Variants in PLCXD2 observed in about 807,000 individuals in gnomAD.
PLCXD2 encodes the protein PI-PLC X domain-containing protein 2.
PLCXD2 carries 21 observed loss-of-function variants against 28.6 expected under a neutral mutation model. That is an observed-to-expected ratio of 0.73 (90% CI 0.52 to 1.06). PLCXD2 has a LOEUF of 1.06. Ranked by LOEUF, PLCXD2 falls within the 50% of genes least tolerant of loss-of-function variation. The pLI is 0.00. For missense variants in PLCXD2, 369 were observed against 376.7 expected (o/e 0.98, Z 0.17); for synonymous variants, 140 against 150.1 (o/e 0.93, Z 0.49).
chr3:111,700,217 T>C (rs1324499294), intron 1 of PLCXD2, among the ~76,000 whole-genome samples: 1 of 152,210 alleles, frequency 6.6e-6, no homozygotes. Context: ...ATCACCACTT[T>C]ACATTATAAA....
At chr3:111,683,906 A>G (rs1157441716) in intron 1 of PLCXD2, among the ~76,000 whole-genome samples, 1 of 152,176 alleles carries the variant, frequency 6.6e-6, no homozygotes, top group African/African-American at 2.4e-5. Flanking sequence ...AGAGGGGGAA[A>G]TAAAATGAGT....
At chr3:111,680,465 A>G (rs1940696546) in intron 1 of PLCXD2, among the ~76,000 whole-genome samples, 1 of 152,138 alleles carries the variant, frequency 6.6e-6, no homozygotes, top group Admixed American at 6.5e-5. Context: ...CATGAAAAAA[A>G]AAAAATCATA....
chr3:111,683,938 T>C (rs947874726), intron 1 of PLCXD2, among the ~76,000 whole-genome samples: 1 of 152,092 alleles, frequency 6.6e-6, no homozygotes, highest in Admixed American at 6.5e-5. Context: ...AGAGAGGGAA[T>C]GGCCCATTTA....
rs776210060 is a variant in PLCXD2 at position 111,675,386 on chromosome 3, C to G, written c.141C>G (p.Pro47=). ...TCCCCCCTCACCTCCACAACCTCCC[C>G]CTTTCCAATCTGGCAATCCCAGGTA... is the stretch of plus-strand genomic sequence containing the variant. The change falls in exon 1 of 5, where the codon CCC becomes CCG. Residue 47 remains proline, a synonymous_variant. Coordinates refer to ENST00000477665, the MANE Select transcript of PLCXD2 (RefSeq NM_001185106.1). 6.2e-7 allele frequency: 1 copy of G among 1,614,190 alleles called. No individual in the cohort carries two copies. The highest frequency in any genetic ancestry group is 2.2e-5 in the East Asian group (1 of 44,874).
chr3:111,718,179 T>C (rs1053075930), intron 3 of PLCXD2, among the ~76,000 whole-genome samples: 2 of 152,034 alleles, frequency 1.3e-5, no homozygotes, highest in Non-Finnish European at 2.9e-5. Flanking sequence ...AATATAAAAA[T>C]ATAGGCCAGG....
chr3:111,685,656 T>C (rs78169735), intron 1 of PLCXD2, among the ~76,000 whole-genome samples: 4,653 of 152,282 alleles, frequency 0.031, 259 homozygotes, highest in African/African-American at 0.1. Context: ...TTAAAGCAAA[T>C]ATGGTTATCT....
intron 3 of PLCXD2, among the ~76,000 whole-genome samples, chr3:111,715,992 T>C (rs963449120): frequency 6.6e-6 from 1 of 152,208 alleles, no homozygotes; most frequent in Non-Finnish European, 1.5e-5. Flanking sequence ...GCTCTTTCCT[T>C]TATGATGAGA....
chr3:111,706,709 C>T (rs1388729315), intron 1 of PLCXD2, among the ~76,000 whole-genome samples: 1 of 148,770 alleles, frequency 6.7e-6, no homozygotes, highest in Non-Finnish European at 1.5e-5. Context: ...TGTAAAGGCA[C>T]ACGTAGACTG....
chr3:111,705,188 C>T (rs1941100059), intron 1 of PLCXD2, among the ~76,000 whole-genome samples: 1 of 152,144 alleles, frequency 6.6e-6, no homozygotes, highest in South Asian at 2.1e-4. Flanking sequence ...GTCTCTAATA[C>T]CCACAGTTCT....
intron 1 of PLCXD2, 94 bp downstream of exon 1, chr3:111,675,502 T>A (rs2107834328): frequency 6.8e-7 from 1 of 1,460,832 alleles, no homozygotes; most frequent in South Asian, 1.2e-5. Context: ...TGCTGAGAAA[T>A]TAATTGTCAG....
chr3:111,676,130 G>T (rs114731886), intron 1 of PLCXD2, among the ~76,000 whole-genome samples: 1,619 of 152,298 alleles, frequency 0.011, 34 homozygotes, highest in African/African-American at 0.037. Context: ...TTTGTTAAAT[G>T]TGTCCTCTTC....
chr3:111,709,484 GCACA>G (rs937307379), intron 2 of PLCXD2, among the ~76,000 whole-genome samples: 388 of 128,530 alleles, frequency 3.0e-3, no homozygotes, highest in African/African-American at 0.012. Flanking sequence ...ACACACACAC[GCACA>G]CACACACATA....
intron 2 of PLCXD2, among the ~76,000 whole-genome samples, chr3:111,708,700 G>A (rs547812707): frequency 3.9e-5 from 6 of 152,192 alleles, no homozygotes; most frequent in South Asian, 2.1e-4. Flanking sequence ...TCTGTTTCCC[G>A]AGGTCCATTT....
chr3:111,695,149 T>TA (rs1316352060), intron 1 of PLCXD2, among the ~76,000 whole-genome samples: 3 of 122,698 alleles, frequency 2.4e-5, no homozygotes, highest in African/African-American at 9.2e-5. Context: ...CTCATTTTTT[T>TA]ACCCATTTTC....
chr3:111,715,640 C>G (rs576834105), intron 3 of PLCXD2, among the ~76,000 whole-genome samples: 1 of 152,170 alleles, frequency 6.6e-6, no homozygotes, highest in African/African-American at 2.4e-5. Flanking sequence ...ATCAAGTCAG[C>G]CTCTAGGATG....
intron 3 of PLCXD2, among the ~76,000 whole-genome samples, chr3:111,717,991 T>G (rs1576465055): frequency 3.0e-5 from 2 of 66,684 alleles, no homozygotes; most frequent in South Asian, 4.1e-4. Context: ...ATTCCTTACC[T>G]TTTTTTTTTT....
At chr3:111,719,109 G>C (rs1199487856) in intron 3 of PLCXD2, among the ~76,000 whole-genome samples, 1 of 152,096 alleles carries the variant, frequency 6.6e-6, no homozygotes, top group Non-Finnish European at 1.5e-5. Flanking sequence ...ATTTGAGATG[G>C]TTCTTAGAGC....
intron 1 of PLCXD2, among the ~76,000 whole-genome samples, chr3:111,687,945 T>C (rs1234190695): frequency 6.6e-6 from 1 of 152,178 alleles, no homozygotes; most frequent in African/African-American, 2.4e-5. Flanking sequence ...AGTGCTGGGA[T>C]TACAGGCATG....
At chr3:111,715,928 CT>C (rs1312528066) in intron 3 of PLCXD2, among the ~76,000 whole-genome samples, 1 of 152,210 alleles carries the variant, frequency 6.6e-6, no homozygotes, top group African/African-American at 2.4e-5. Flanking sequence ...TGTCACAAAG[CT>C]TTTCATATCT....
Sources: gnomAD v4.1 joint callset for allele counts (sites outside exome capture counted in the v4.1 genomes callset) on GRCh38, gnomAD v4.1.1 for gene constraint, MANE v1.5 for transcripts, NCBI Gene and HGNC (gene_info 2026-07-23, HGNC 2026-07-21) for gene names.